The following YTHDF3 variants were observed in gnomAD, a reference collection of about 807,000 sequenced individuals.
YTHDF3 encodes YTH domain-containing family protein 3.
In YTHDF3, 9 loss-of-function variants were observed where a neutral mutation model predicts 52.5. The ratio of observed to expected loss-of-function variants is 0.17; its 90% CI spans 0.10 to 0.30. The LOEUF (loss-of-function observed/expected upper bound fraction) is 0.30. Ranked by LOEUF, YTHDF3 falls within the 10% of genes least tolerant of loss-of-function variation. YTHDF3 has a pLI of 1.00. For synonymous variants in YTHDF3, 274 were observed against 243.3 expected (o/e 1.13, Z -1.18); for missense variants, 534 against 715.0 (o/e 0.75, Z 2.89).
chr8:63,169,566 C>G, intron 2 of YTHDF3, 155 bp downstream of exon 2: 1 of 788,756 alleles, frequency 1.3e-6, no homozygotes, highest in South Asian at 1.8e-5. Context: ...AAGTTCTATC[C>G]AGAACTTCGG....
At chr8:63,204,339 C>T (rs1348020743) in intron 4 of YTHDF3, among the ~76,000 whole-genome samples, 1 of 150,020 alleles carries the variant, frequency 6.7e-6, no homozygotes, top group African/African-American at 2.4e-5. Context: ...TTCTTAGCTA[C>T]AAATTTTTTT....
chr8:63,181,921 T>A (rs1437924606), intron 3 of YTHDF3, among the ~76,000 whole-genome samples: 5 of 152,204 alleles, frequency 3.3e-5, no homozygotes, highest in African/African-American at 1.2e-4. Flanking sequence ...CATGATTAGA[T>A]ATGCATAAAT....
chr8:63,174,463 C>G (rs1807554566), intron 2 of YTHDF3, among the ~76,000 whole-genome samples: 1 of 152,170 alleles, frequency 6.6e-6, no homozygotes, highest in Non-Finnish European at 1.5e-5. Flanking sequence ...CCTTCTGAAA[C>G]AGCGAACAGT....
At chr8:63,174,514 C>T (rs1585739614) in intron 2 of YTHDF3, among the ~76,000 whole-genome samples, 1 of 152,306 alleles carries the variant, frequency 6.6e-6, no homozygotes, top group Non-Finnish European at 1.5e-5. Context: ...GAGATCATCT[C>T]CTCAGTGCTG....
At chr8:63,174,872 G>A (rs1167226666) in intron 2 of YTHDF3, among the ~76,000 whole-genome samples, 3 of 152,102 alleles carry the variant, frequency 2.0e-5, no homozygotes, top group Non-Finnish European at 2.9e-5. Flanking sequence ...AAATTAGATC[G>A]AAAATAGTTA....
chr8:63,186,979 C>A lies in YTHDF3; in HGVS notation c.968C>A (p.Pro323His). The part of the protein sequence containing the change: ...LVQSQLPQQQ[P>H]QPPQPQQQQG... The stretch of plus-strand genomic sequence containing the variant: ...CAAAGCCAACTGCCTCAACAGCAGC[C>A]TCAACCACCACAACCACAGCAGCAA... Residue 323 changes from proline (P) to histidine (H), a missense_variant, in exon 4 of 5, where the codon CCT becomes CAT. Pro to His is a moderately conservative substitution (Grantham distance 77). Transcript: ENST00000539294. 6.2e-7 allele frequency: 1 copy of A among 1,613,736 alleles called. No homozygotes were observed. Among genetic ancestry groups the A allele is most frequent in the Non-Finnish European group, 8.5e-7 (1 of 1,179,802 alleles).
At chr8:63,180,600 C>T (rs1808058595) in intron 3 of YTHDF3, among the ~76,000 whole-genome samples, 1 of 152,208 alleles carries the variant, frequency 6.6e-6, no homozygotes, top group African/African-American at 2.4e-5. Context: ...GCAATCTCGG[C>T]ACTTTGGGAG....
At chr8:63,205,782 A>G (rs1301952988) in intron 4 of YTHDF3, among the ~76,000 whole-genome samples, 1 of 152,150 alleles carries the variant, frequency 6.6e-6, no homozygotes, top group African/African-American at 2.4e-5. Context: ...AGCTGATAGT[A>G]TGCCCATAGA....
At position 63,186,184 on chromosome 8, in the gene YTHDF3, C is replaced by G; in HGVS notation, c.173C>G (p.Pro58Arg). 1 of 1,613,834 alleles carries G rather than the reference C, an allele frequency of 6.2e-7. No homozygotes were observed. Among genetic ancestry groups the G allele is most frequent in the Non-Finnish European group, 8.5e-7 (1 of 1,179,818 alleles). ...CCACCAATGTCAGATCCATACATGCCTAGTTACTATGCTCCATCCATTGGA... is the reference window on the plus strand; with the variant it reads ...CCACCAATGTCAGATCCATACATGCGTAGTTACTATGCTCCATCCATTGGA... Reference protein sequence around the residue: ...SYPPMSDPYMPSYYAPSIGFP... With the variant: ...SYPPMSDPYMRSYYAPSIGFP... The change falls in exon 4 of 5, where the codon CCT (proline) becomes CGT (arginine). Residue 58 changes from proline (P) to arginine (R), a missense_variant. This residue lies in a region of YTHDF3 where 196 missense variants were observed against 299.5 expected (regional missense o/e 0.65). Coordinates refer to ENST00000539294, the MANE Select transcript of YTHDF3 (RefSeq NM_152758.6).
At chr8:63,172,554 A>G (rs969285842) in intron 2 of YTHDF3, 30 of 391,706 alleles carry the variant, frequency 7.7e-5, no homozygotes, top group African/African-American at 4.5e-4. Context: ...AATGATTTCA[A>G]AGCACTTTAC....
chr8:63,187,075 T>C lies in YTHDF3; in HGVS notation c.1064T>C (p.Val355Ala). ...PQQQQLQNRWVAPRNRGAGFN... is the reference protein window; with the variant it reads ...PQQQQLQNRWAAPRNRGAGFN... ...CAGCAGCAGCTGCAGAATCGCTGGGTAGCTCCTCGTAACAGGGGAGCAGGC... is the reference window on the plus strand; with the variant it reads ...CAGCAGCAGCTGCAGAATCGCTGGGCAGCTCCTCGTAACAGGGGAGCAGGC... The change falls in exon 4 of 5, where the codon GTA becomes GCA. Residue 355 changes from valine (V) to alanine (A), a missense_variant. Val to Ala is a moderately conservative substitution (Grantham distance 64). Coordinates refer to ENST00000539294, the MANE Select transcript of YTHDF3 (RefSeq NM_152758.6). 1 of 1,613,652 alleles carries C rather than the reference T, an allele frequency of 6.2e-7. No homozygotes were observed. Among genetic ancestry groups the C allele is most frequent in the Non-Finnish European group, 8.5e-7 (1 of 1,179,766 alleles).
intron 3 of YTHDF3, among the ~76,000 whole-genome samples, chr8:63,178,838 A>G (rs1585745702): frequency 6.6e-6 from 1 of 152,212 alleles, no homozygotes; most frequent in Non-Finnish European, 1.5e-5. Context: ...GACCTTTTAA[A>G]TAGTGCTATT....
intron 4 of YTHDF3, among the ~76,000 whole-genome samples, chr8:63,204,642 A>G (rs549343814): frequency 6.6e-6 from 1 of 152,298 alleles, no homozygotes; most frequent in South Asian, 2.1e-4. Context: ...GCTTACAGGC[A>G]TGAGCCACCG....
chr8:63,168,838 GGCA>G lies in YTHDF3; in HGVS notation c.-37_-35del. On this transcript the variant is annotated 5_prime_UTR_variant, in exon 1 of 5. Transcript: ENST00000539294. ...CTGTGAGTGCACGGGGAGAGGCCCA[GGCA>G]GCGGCGGCGGCGGCGGCTCTCGGGT... 2 of 1,553,222 alleles carry G rather than the reference GGCA, an allele frequency of 1.3e-6. No homozygotes were observed. The highest frequency in any genetic ancestry group is 1.7e-6 in the Non-Finnish European group (2 of 1,148,512).
At chr8:63,209,384 A>G (rs1490831508) in intron 4 of YTHDF3, among the ~76,000 whole-genome samples, 1 of 152,166 alleles carries the variant, frequency 6.6e-6, no homozygotes, top group Non-Finnish European at 1.5e-5. Flanking sequence ...AAACTCTTTG[A>G]AAGGACTGAA....
Position 63,210,607 on chromosome 8 carries a change from C to T in YTHDF3, c.*901C>T, listed in dbSNP as rs534322340. 6.5e-6 allele frequency: 1 copy of T among 152,680 alleles called. No homozygotes were observed. The highest frequency in any genetic ancestry group is 2.4e-5 in the African/African-American group (1 of 41,562). 9.5% of individuals were successfully genotyped at this position (152,680 alleles called of 1,614,324 possible). ...AAAAATTTATTACTCTAGGTATTCA[C>T]TAGCTAAATAAACATAGTTCTTGTT... On this transcript the variant is annotated 3_prime_UTR_variant, in exon 5 of 5. Transcript: ENST00000539294.
intron 4 of YTHDF3, 116 bp from the exon 5 acceptor site, chr8:63,209,567 T>C (rs930622046): frequency 3.2e-5 from 32 of 991,390 alleles, no homozygotes; most frequent in Non-Finnish European, 4.2e-5. Flanking sequence ...CTTGAATTAG[T>C]ACTTGAACTT....
At chr8:63,189,833 A>G (rs35619695) in intron 4 of YTHDF3, among the ~76,000 whole-genome samples, 12 of 152,190 alleles carry the variant, frequency 7.9e-5, no homozygotes, top group Admixed American at 4.6e-4. Flanking sequence ...GGATTGTTGG[A>G]AACTTTGCTT....
chr8:63,202,961 G>A (rs186678121), intron 4 of YTHDF3, among the ~76,000 whole-genome samples: 17 of 152,184 alleles, frequency 1.1e-4, no homozygotes, highest in African/African-American at 3.9e-4. Flanking sequence ...AATACAGTCT[G>A]CTGGGCACGG....
Sources: gnomAD v4.1 joint callset for allele counts (sites outside exome capture counted in the v4.1 genomes callset) on GRCh38, gnomAD v4.1.1 for gene constraint, gnomAD v4.1.1 regional missense constraint, MANE v1.5 for transcripts, NCBI Gene and HGNC (gene_info 2026-07-23, HGNC 2026-07-21) for gene names.